Variants in TRPC5 observed in about 807,000 individuals in gnomAD.
TRPC5 encodes the protein short transient receptor potential channel 5.
A neutral mutation model predicts 56.5 loss-of-function variants in TRPC5; 9 were observed. The ratio of observed to expected loss-of-function variants is 0.16; its 90% CI spans 0.10 to 0.28. TRPC5 has a LOEUF of 0.28. Ranked by LOEUF, TRPC5 falls within the 10% of genes least tolerant of loss-of-function variation. The pLI is 1.00. For synonymous variants in TRPC5, 282 were observed against 278.5 expected, an observed-to-expected ratio of 1.01 and a Z score of -0.13; for missense variants, 469 against 748.9, an observed-to-expected ratio of 0.63 and a Z score of 4.36.
chrX:111,772,120 T>C lies in TRPC5; in HGVS notation c.*4193A>G, dbSNP rs1945846774. On this transcript the variant is annotated 3_prime_UTR_variant, in exon 11 of 11. Transcript: ENST00000262839. ...GTTACTGGAAGGTTCATTGGAAATA[T>C]AATGGTAACAATGTTTCTCTCTGCT... Among the ~76,000 whole-genome samples, 1 of 111,750 alleles carries C rather than the reference T, an allele frequency of 8.9e-6. No homozygotes were observed. Among genetic ancestry groups the C allele is most frequent in the South Asian group, 3.8e-4 (1 of 2,631 alleles).
intron 6 of TRPC5, among the ~76,000 whole-genome samples, chrX:111,843,916 G>GTGTA (rs1489876264): frequency 2.0e-5 from 2 of 99,762 alleles, no homozygotes; most frequent in Non-Finnish European, 4.0e-5. Context: ...GTGTGTGTGT[G>GTGTA]TGTATGTGAG....
At position 111,771,739 on chromosome X, in the gene TRPC5, TAAG is replaced by T. The variant is rs1429334811; in HGVS notation, c.*4571_*4573del. On this transcript the variant is annotated 3_prime_UTR_variant, in exon 11 of 11. Transcript: ENST00000262839. ...TTATTTTGCCAAAAATGTGTATATT[TAAG>T]TCTTCCAGGTAAGTTATTCTGACCT... Among the ~76,000 whole-genome samples, 7 of 109,936 alleles carry T rather than the reference TAAG, an allele frequency of 6.4e-5. No homozygotes were observed. The highest frequency in any genetic ancestry group is 2.4e-4 in the African/African-American group (7 of 29,731).
Position 112,045,950 on chromosome X carries a change from C to T in TRPC5, c.-22+35929G>A, listed in dbSNP as rs908156489. ...AACTTGAGGAGATTCCCTCCCCACACTCCAGGGGACATTGGTGATGTCTGG... is the reference window on the plus strand; with the variant it reads ...AACTTGAGGAGATTCCCTCCCCACATTCCAGGGGACATTGGTGATGTCTGG... On this transcript the variant is annotated intron_variant, in intron 1 of 10. Transcript: ENST00000262839. Among the ~76,000 whole-genome samples the T allele has an allele frequency of 3.3e-4, 37 of 111,363 alleles. No homozygotes were observed. In the Admixed American group the frequency reaches 3.5e-3, roughly 11 times the overall value.
chrX:111,815,461 G>A (rs768950894), intron 7 of TRPC5, among the ~76,000 whole-genome samples: 1 of 111,242 alleles, frequency 9.0e-6, no homozygotes, highest in East Asian at 2.8e-4. Context: ...CAGCACGGTC[G>A]CCCATACCTG....
chrX:111,793,662 C>T (rs946575643), intron 7 of TRPC5, among the ~76,000 whole-genome samples: 1 of 111,925 alleles, frequency 8.9e-6, no homozygotes, highest in African/African-American at 3.2e-5. Flanking sequence ...AATTGTTAAA[C>T]ATAGAGCTAC....
intron 1 of TRPC5, among the ~76,000 whole-genome samples, chrX:112,077,589 A>T (rs1930863810): frequency 1.8e-5 from 2 of 111,462 alleles, no homozygotes; most frequent in Non-Finnish European, 3.8e-5. Context: ...TGGTGTGGGG[A>T]CTACACTTGG....
At chrX:111,802,751 C>T (rs911520235) in intron 7 of TRPC5, among the ~76,000 whole-genome samples, 6 of 111,441 alleles carry the variant, frequency 5.4e-5, no homozygotes, top group South Asian at 7.5e-4. Flanking sequence ...AAAGGCAAAG[C>T]GAAAAAGACA....
At chrX:111,792,913 T>C (rs756130586) in intron 7 of TRPC5, among the ~76,000 whole-genome samples, 19 of 111,814 alleles carry the variant, frequency 1.7e-4, no homozygotes, top group Non-Finnish European at 3.2e-4. Context: ...TGGACACCTG[T>C]TAGTACCACC....
chrX:111,795,042 T>G (rs1374189235), intron 7 of TRPC5, among the ~76,000 whole-genome samples: 1 of 111,801 alleles, frequency 8.9e-6, no homozygotes, highest in Non-Finnish European at 1.9e-5. Flanking sequence ...AGTTTTTTTG[T>G]AGATTCCATA....
chrX:111,782,524 T>C (rs1945927710), intron 7 of TRPC5, among the ~76,000 whole-genome samples: 1 of 111,193 alleles, frequency 9.0e-6, no homozygotes, highest in Admixed American at 9.6e-5. Flanking sequence ...CCAAGCCCTC[T>C]AAGTGAATAA....
chrX:111,961,359 G>C (rs1927377259), intron 1 of TRPC5, among the ~76,000 whole-genome samples: 1 of 111,486 alleles, frequency 9.0e-6, no homozygotes, highest in Admixed American at 9.5e-5. Flanking sequence ...TTTCTACCCA[G>C]TTTTCTTTAC....
intron 1 of TRPC5, among the ~76,000 whole-genome samples, chrX:111,994,002 C>T (rs112283120): frequency 0.016 from 1,755 of 111,629 alleles, 31 homozygotes; most frequent in African/African-American, 0.054. Flanking sequence ...AATGGTATTG[C>T]CTAGGTTTTC....
chrX:112,067,979 G>T (rs975710278), intron 1 of TRPC5, among the ~76,000 whole-genome samples: 3 of 112,428 alleles, frequency 2.7e-5, no homozygotes, highest in African/African-American at 9.7e-5. Flanking sequence ...ATCTGGTAAG[G>T]TAGATGATAT....
At chrX:111,792,535 T>G (rs1363314474) in intron 7 of TRPC5, among the ~76,000 whole-genome samples, 1 of 111,836 alleles carries the variant, frequency 8.9e-6, no homozygotes, top group African/African-American at 3.3e-5. Context: ...CACCATTATA[T>G]AATGCTGTAT....
At chrX:111,933,655 T>A (rs1926482944) in intron 2 of TRPC5, among the ~76,000 whole-genome samples, 1 of 111,525 alleles carries the variant, frequency 9.0e-6, no homozygotes, top group African/African-American at 3.3e-5. Context: ...TTATTCCTTG[T>A]GAAGTGTGCA....
At chrX:111,980,012 A>G (rs1928035342) in intron 1 of TRPC5, among the ~76,000 whole-genome samples, 1 of 111,836 alleles carries the variant, frequency 8.9e-6, no homozygotes, top group African/African-American at 3.2e-5. Flanking sequence ...CATACAAAAA[A>G]ATTGTACGTG....
intron 7 of TRPC5, among the ~76,000 whole-genome samples, chrX:111,800,669 G>A (rs1345195869): frequency 9.1e-6 from 1 of 109,965 alleles, no homozygotes; most frequent in Non-Finnish European, 1.9e-5. Flanking sequence ...CAGGAGACTC[G>A]CTTGTACACG....
At chrX:111,884,224 G>T (rs1368460107) in intron 3 of TRPC5, among the ~76,000 whole-genome samples, 1 of 112,576 alleles carries the variant, frequency 8.9e-6, no homozygotes. Context: ...GGTATTATCA[G>T]AGTATTTTTA....
intron 1 of TRPC5, among the ~76,000 whole-genome samples, chrX:111,960,259 A>G (rs1023312160): frequency 8.9e-6 from 1 of 112,279 alleles, no homozygotes; most frequent in Non-Finnish European, 1.9e-5. Flanking sequence ...TGCAGTGCCT[A>G]TGTTAAAATG....
Sources: allele counts gnomAD v4.1 joint callset (sites outside exome capture counted in the v4.1 genomes callset), GRCh38; gene constraint gnomAD v4.1.1; transcripts MANE v1.5; gene names NCBI Gene and HGNC (gene_info 2026-07-23, HGNC 2026-07-21).